Variants in SIRT7 observed in about 807,000 individuals in gnomAD.
The protein encoded by SIRT7 is NAD-dependent protein deacetylase sirtuin-7.
SIRT7 carries 32 observed loss-of-function variants against 42.8 expected under a neutral mutation model. The observed-to-expected ratio is 0.75, with a 90% CI of 0.56 to 1.00. SIRT7 has a LOEUF of 1.00. Ranked by LOEUF, SIRT7 falls within the 50% of genes least tolerant of loss-of-function variation. The pLI is 0.00. For synonymous variants in SIRT7, 297 were observed against 245.2 expected, an observed-to-expected ratio of 1.21 and a Z score of -1.97; for missense variants, 553 against 572.2, an observed-to-expected ratio of 0.97 and a Z score of 0.34.
Position 81,912,030 on chromosome 17 carries a change from A to C in SIRT7, c.*386T>G, listed in dbSNP as rs2143770363. The stretch of plus-strand genomic sequence containing the variant: ...CTGCCGCACATCCAGTACAGAGAGG[A>C]TTCTATAAAGTTCACACTTTTTCAT... On this transcript the variant is annotated 3_prime_UTR_variant, in exon 10 of 10. Transcript: ENST00000328666. 3.1e-6 allele frequency: 1 copy of C among 318,276 alleles called. No individual in the cohort carries two copies. Among genetic ancestry groups the C allele is most frequent in the Non-Finnish European group, 6.0e-6 (1 of 167,076 alleles). The allele number at this position is 318,276 out of a possible 1,614,324, so 19.7% of individuals were successfully genotyped here.
At chr17:81,914,221 G>A (rs1391105684) in intron 7 of SIRT7, 54 bp from the exon 8 acceptor site, 3 of 1,612,500 alleles carry the variant, frequency 1.9e-6, no homozygotes, top group East Asian at 4.5e-5. Context: ...AGTCTGTACA[G>A]TGCTGGGCCG....
chr17:81,913,993 C>G lies in SIRT7; in HGVS notation c.897+94G>C. On this transcript the variant is annotated intron_variant, in intron 8 of 9. Coordinates refer to ENST00000328666, the MANE Select transcript of SIRT7 (RefSeq NM_016538.3). The surrounding 1 kb of genome is among the most constrained non-coding windows in gnomAD (Gnocchi z 5.0). ...TGCTCCCTGAGCACCCACGGGGGCC[C>G]TATCAGACCGCCCTGGTGCATGGGT... 6.4e-7 allele frequency: 1 copy of G among 1,565,670 alleles called. No individual in the cohort carries two copies. Among genetic ancestry groups the G allele is most frequent in the Non-Finnish European group, 8.7e-7 (1 of 1,143,704 alleles).
chr17:81,917,909 A>C lies in SIRT7; in HGVS notation c.152T>G (p.Leu51Arg). 7.0e-7 allele frequency: 1 copy of C among 1,422,734 alleles called. No homozygotes were observed. Among genetic ancestry groups the C allele is most frequent in the East Asian group, 3.1e-5 (1 of 31,844 alleles). 88.1% of individuals were successfully genotyped at this position (1,422,734 alleles called of 1,614,324 possible). The part of the protein sequence containing the change: ...AERSAEEGRL[L>R]AESADLVTEL... ...CGTTACCAGGTCCGCGCTCTCGGCC[A>C]GCAGCCGGCCCTCCTCGGCGCTGCG... The change falls in exon 2 of 10, where the codon CTG becomes CGG. Residue 51 changes from leucine to arginine, a missense_variant. Physicochemically the swap from Leu to Arg is moderately radical, Grantham distance 102. Transcript: ENST00000328666.
In SIRT7 at chr17:81,912,319, A is replaced by G. The variant is rs1053873050; in HGVS notation, c.*97T>C. 21 of 1,446,782 alleles carry G rather than the reference A, an allele frequency of 1.5e-5. No individual in the cohort carries two copies. The highest frequency in any genetic ancestry group is 5.6e-5 in the African/African-American group (4 of 71,536). The allele number at this position is 1,446,782 out of a possible 1,614,324, so 89.6% of individuals were successfully genotyped here. A position where few individuals can be genotyped will look rare whatever the true frequency, so the allele number is the denominator to read the frequency against. ...ATGTCACGGTGAAAATGTCATCCCCAAAGAGTTCGTTCTCCCTAGACCCGT... is the reference window on the plus strand; with the variant it reads ...ATGTCACGGTGAAAATGTCATCCCCGAAGAGTTCGTTCTCCCTAGACCCGT... On this transcript the variant is annotated 3_prime_UTR_variant, in exon 10 of 10. Coordinates refer to ENST00000328666, the MANE Select transcript of SIRT7 (RefSeq NM_016538.3).
Position 81,917,969 on chromosome 17 carries a change from T to C in SIRT7, c.94-2A>G. 7.5e-7 allele frequency: 1 copy of C among 1,342,166 alleles called. No individual in the cohort carries two copies. The highest frequency in any genetic ancestry group is 3.2e-5 in the East Asian group (1 of 31,638). 83.1% of individuals were successfully genotyped at this position (1,342,166 alleles called of 1,614,324 possible). A position where few individuals can be genotyped will look rare whatever the true frequency, so the allele number is the denominator to read the frequency against. On this transcript the variant is annotated splice_acceptor_variant, in intron 1 of 9. Coordinates refer to ENST00000328666, the MANE Select transcript of SIRT7 (RefSeq NM_016538.3). LOFTEE classifies it high-confidence loss of function. ...CGCCTTCCTCAGGATGCGCGACACC[T>C]GCGGGCAGGCGGACGGTGAGCGGCG... is the stretch of plus-strand genomic sequence containing the variant.
Position 81,917,933 on chromosome 17 carries a change from C to CGCT in SIRT7, c.125_127dup (p.Glu42_Arg43insGln). On this transcript the variant is annotated inframe_insertion, in exon 2 of 10. Coordinates refer to ENST00000328666, the MANE Select transcript of SIRT7 (RefSeq NM_016538.3). The stretch of plus-strand genomic sequence containing the variant: ...CAGCAGCCGGCCCTCCTCGGCGCTG[C>CGCT]GCTCCGCCGCCGCCTTCCTCAGGAT... 1 of 1,393,846 alleles carries CGCT rather than the reference C, an allele frequency of 7.2e-7. No individual in the cohort carries two copies. The highest frequency in any genetic ancestry group is 9.3e-7 in the Non-Finnish European group (1 of 1,075,176). 86.3% of individuals were successfully genotyped at this position (1,393,846 alleles called of 1,614,324 possible). A position where few individuals can be genotyped will look rare whatever the true frequency, so the allele number is the denominator to read the frequency against.
intron 3 of SIRT7, chr17:81,915,956 A>G (rs935901888): frequency 2.2e-6 from 1 of 462,880 alleles, no homozygotes; most frequent in African/African-American, 2.0e-5. Flanking sequence ...CCTCTCTGGC[A>G]CCGAGCACAA....
rs759489989 is a variant in SIRT7 at position 81,918,111 on chromosome 17, G to T, written c.21C>A (p.Ser7Arg). 2 of 1,554,216 alleles carry T rather than the reference G, an allele frequency of 1.3e-6. No homozygotes were observed. The highest frequency in any genetic ancestry group is 1.7e-6 in the Non-Finnish European group (2 of 1,161,352). Residue 7 changes from serine (S) to arginine (R), a missense_variant, in exon 1 of 10, where the codon AGC (serine) becomes AGA (arginine). Coordinates refer to ENST00000328666, the MANE Select transcript of SIRT7 (RefSeq NM_016538.3). MAAGGL[S>R]RSERKAAERV... The stretch of plus-strand genomic sequence containing the variant: ...GCTCCGCCGCTTTGCGCTCGGAGCG[G>T]CTCAGACCCCCGGCTGCCATCGCTC...
chr17:81,917,274 C>G (rs890143625), intron 3 of SIRT7: 2 of 217,372 alleles, frequency 9.2e-6, no homozygotes, highest in African/African-American at 2.3e-5. Flanking sequence ...CTCTCCTTCA[C>G]CTGGTGTATT....
chr17:81,912,141 G>C lies in SIRT7; in HGVS notation c.*275C>G. ...CTGGGCGCTTCCACTCTGCAGGCCGGGGCTGAAATAACCCGAGTTCCGTTC... is the reference window on the plus strand; with the variant it reads ...CTGGGCGCTTCCACTCTGCAGGCCGCGGCTGAAATAACCCGAGTTCCGTTC... On this transcript the variant is annotated 3_prime_UTR_variant, in exon 10 of 10. Coordinates refer to ENST00000328666, the MANE Select transcript of SIRT7 (RefSeq NM_016538.3). 1.9e-6 allele frequency: 1 copy of C among 515,588 alleles called. No individual in the cohort carries two copies. The highest frequency in any genetic ancestry group is 2.1e-5 in the South Asian group (1 of 48,516). The allele number at this position is 515,588 out of a possible 1,614,324, so 31.9% of individuals were successfully genotyped here. A position where few individuals can be genotyped will look rare whatever the true frequency, so the allele number is the denominator to read the frequency against.
intron 2 of SIRT7, 25 bp downstream of exon 2, chr17:81,917,805 C>G: frequency 1.4e-6 from 2 of 1,408,142 alleles, no homozygotes; most frequent in Non-Finnish European, 1.8e-6. Context: ...ACCGGGGGCG[C>G]CCGCGCGCCG....
At chr17:81,912,739 G>C in intron 9 of SIRT7, 125 bp from the exon 10 acceptor site, 1 of 1,050,020 alleles carries the variant, frequency 9.5e-7, no homozygotes, top group Non-Finnish European at 1.4e-6. Flanking sequence ...GTCAACTGCG[G>C]CGGGGCTCTG....
Sources: gnomAD v4.1 joint callset for allele counts on GRCh38, gnomAD v4.1.1 for gene constraint, Gnocchi (gnomAD v3.1) non-coding constraint, MANE v1.5 for transcripts, NCBI Gene and HGNC (gene_info 2026-07-23, HGNC 2026-07-21) for gene names.